NBPF20: variants seen among roughly 807,000 people sequenced by gnomAD.
The protein encoded by NBPF20 is NBPF member 20.
NBPF20 carries 90 observed loss-of-function variants against 68.1 expected under a neutral mutation model. The ratio of observed to expected loss-of-function variants is 1.32; its 90% CI spans 1.11 to 1.58. The LOEUF (loss-of-function observed/expected upper bound fraction) is 1.58, where lower values mean the gene tolerates loss of function less well. NBPF20 is among the 40% of genes most tolerant of loss of function. The probability of loss-of-function intolerance (pLI) is 0.00; values close to 1 mark genes in which losing one functional copy is unlikely to be tolerated. For missense variants in NBPF20, 816 were observed against 601.2 expected (o/e 1.36, Z -3.74); for synonymous variants, 290 against 228.1 (o/e 1.27, Z -2.45).
In NBPF20 at chr1:145,404,288, T is replaced by C. The variant is rs1571376469; in HGVS notation, c.175+810A>G. On this transcript the variant is annotated intron_variant, in intron 2 of 137. Coordinates refer to ENST00000369373, the Ensembl canonical transcript of NBPF20. The stretch of plus-strand genomic sequence containing the variant: ...TTGTTTGTTTGTTTTTTGACGAGTC[T>C]TGCCCTGTCACCCATGCTGGAGTGC... Among the ~76,000 whole-genome samples the C allele has an allele frequency of 6.6e-5, 10 of 152,000 alleles. No individual in the cohort carries two copies. In the South Asian group the frequency reaches 2.1e-3, roughly 32 times the overall value.
chr1:145,298,412 A>G (rs1661346536), intron 129 of NBPF20, among the ~76,000 whole-genome samples: 1 of 142,468 alleles, frequency 7.0e-6, no homozygotes, highest in Non-Finnish European at 1.5e-5. Context: ...AGCTCAGTGA[A>G]TTGTCCAGGT....
the NBPF20 span, among the ~76,000 whole-genome samples, chr1:145,415,956 C>A: frequency 6.9e-6 from 1 of 144,732 alleles, no homozygotes; most frequent in African/African-American, 2.5e-5. Flanking sequence ...CATGAAGAAA[C>A]CCTGTCTCTA....
intron 3 of NBPF20, among the ~76,000 whole-genome samples, 183 bp downstream of exon 8, chr1:145,403,033 G>A (rs1318711617): frequency 1.2e-4 from 18 of 151,978 alleles, no homozygotes; most frequent in African/African-American, 4.1e-4. Context: ...AGAAACAACT[G>A]CAACCCATAC....
Position 145,395,040 on chromosome 1 carries a change from G to C in NBPF20, c.929C>G (p.Ser310Cys). The C allele has an allele frequency of 6.2e-6, 10 of 1,611,580 alleles. No homozygotes were observed. In the South Asian group the frequency reaches 9.9e-5, roughly 16 times the overall value. Residue 310 changes from serine to cysteine, a missense_variant, in exon 8 of 138, where the codon TCT (serine) becomes TGT (cysteine). Transcript: ENST00000369373. ...TAATGAGTGAAATGTGCTGCTGTAA[G>C]ACTGGTACGAGGCCAACATTTCAGG... is the stretch of plus-strand genomic sequence containing the variant.
chr1:145,291,830 C>T (rs587628115), intron 137 of NBPF20, 61 bp from the exon 143 acceptor site: 7 of 1,611,190 alleles, frequency 4.3e-6, no homozygotes, highest in African/African-American at 2.7e-5. Flanking sequence ...CAGAGCCCCA[C>T]TAGATTTCAG....
At chr1:145,410,900 C>CA in the NBPF20 span, among the ~76,000 whole-genome samples, 2 of 124,708 alleles carry the variant, frequency 1.6e-5, 1 homozygote, top group Admixed American at 1.5e-4. Context: ...CACACACACA[C>CA]ACGTTTGTGT....
At chr1:145,421,849 T>C in the NBPF20 span, among the ~76,000 whole-genome samples, 1 of 152,072 alleles carries the variant, frequency 6.6e-6, no homozygotes, top group Admixed American at 6.6e-5. Context: ...GAAACCAGTC[T>C]GGGCACTACA....
intron 7 of NBPF20, among the ~76,000 whole-genome samples, chr1:145,398,517 C>T (rs1479355491): frequency 3.9e-5 from 6 of 152,154 alleles, no homozygotes; most frequent in Non-Finnish European, 8.8e-5. Context: ...TAAAGATGTT[C>T]TTTGAAACCA....
rs1487897461 is a variant in NBPF20, at chr1:145,402,853, C to A, written c.278+363G>T. Among the ~76,000 whole-genome samples, 1,000 of 150,870 alleles carry A rather than the reference C, an allele frequency of 6.6e-3. 14 individuals are homozygous for A. Among genetic ancestry groups the A allele is most frequent in the Non-Finnish European group, 4.7e-3 (317 of 67,814 alleles). On this transcript the variant is annotated intron_variant, in intron 3 of 137. Transcript: ENST00000369373. ...ATTGATTGAGTGAAAGAATGAGAAG[C>A]CGCAGTCAGTCAGGAGGTGATTGTC...
the NBPF20 span, among the ~76,000 whole-genome samples, chr1:145,411,203 T>C: frequency 6.8e-6 from 1 of 146,150 alleles, no homozygotes; most frequent in African/African-American, 2.5e-5. Context: ...GGAATTTTTA[T>C]TAGAATTGCA....
At chr1:145,341,155 G>GAGAGAGAC (rs1553659835) in intron 75 of NBPF20, among the ~76,000 whole-genome samples, 1 of 72,830 alleles carries the variant, frequency 1.4e-5, no homozygotes, top group African/African-American at 5.0e-5. Context: ...GAGACAGAGA[G>GAGAGAGAC]AGAGACAGAG....
intron 137 of NBPF20, among the ~76,000 whole-genome samples, chr1:145,292,059 T>C (rs1661148698): frequency 6.7e-6 from 1 of 149,308 alleles, no homozygotes; most frequent in East Asian, 1.9e-4. Context: ...CACTCTGAGT[T>C]AGTGTCCTCA....
Position 145,342,808 on chromosome 1 carries a change from C to T in NBPF20, c.8814-249G>A, listed in dbSNP as rs1188674591. 1.7e-5 allele frequency among the ~76,000 whole-genome samples: 2 copies of T among 115,502 alleles called. 1 individual carries two copies. The highest frequency in any genetic ancestry group is 7.3e-5 in the African/African-American group (2 of 27,480). The allele number at this position is 115,502 out of a possible 152,430, so 75.8% of individuals were successfully genotyped here. A position where few individuals can be genotyped will look rare whatever the true frequency, so the allele number is the denominator to read the frequency against. On this transcript the variant is annotated intron_variant, in intron 73 of 137. Coordinates refer to ENST00000369373, the Ensembl canonical transcript of NBPF20. ...ACACACACACACAGACACACACACA[C>T]ACACAGAGAGAACGAGCTCAGTGAA...
chr1:145,296,057 G>C (rs1661309349), intron 132 of NBPF20: 1 of 163,598 alleles, frequency 6.1e-6, no homozygotes, highest in Non-Finnish European at 1.0e-5. Context: ...GACAAAATCA[G>C]AGTTGTGTGA....
At chr1:145,292,704 G>C (rs1553658477) in intron 136 of NBPF20, among the ~76,000 whole-genome samples, 2 of 143,890 alleles carry the variant, frequency 1.4e-5, no homozygotes, top group Non-Finnish European at 3.0e-5. Context: ...TATTCTAGTA[G>C]ATCGTTATCC....
At chr1:145,423,571 A>G in the NBPF20 span, among the ~76,000 whole-genome samples, 1 of 152,178 alleles carries the variant, frequency 6.6e-6, no homozygotes, top group Non-Finnish European at 1.5e-5. Flanking sequence ...ATATCCGGAA[A>G]AAAGTATTAC....
At chr1:145,338,040 C>G (rs1420001073) in intron 79 of NBPF20, among the ~76,000 whole-genome samples, 23 of 94,254 alleles carry the variant, frequency 2.4e-4, no homozygotes, top group East Asian at 1.2e-3. Context: ...CACACACACA[C>G]ACACACACAC....
At chr1:145,342,832 A>T (rs1661632138) in intron 73 of NBPF20, among the ~76,000 whole-genome samples, 1 of 97,956 alleles carries the variant, frequency 1.0e-5, no homozygotes, top group Non-Finnish European at 2.1e-5. Context: ...GAGCTCAGTG[A>T]ATTGTCCAGG....
At chr1:145,309,454 A>G (rs1262003074) in intron 115 of NBPF20, among the ~76,000 whole-genome samples, 1 of 61,060 alleles carries the variant, frequency 1.6e-5, no homozygotes. Flanking sequence ...AGACACACAC[A>G]CACACACACA....
Sources: allele counts gnomAD v4.1 joint callset (sites outside exome capture counted in the v4.1 genomes callset), GRCh38; gene constraint gnomAD v4.1.1; transcripts MANE v1.5; gene names NCBI Gene and HGNC (gene_info 2026-07-23, HGNC 2026-07-21).